Variants in HACD4 observed in about 807,000 individuals in gnomAD.
HACD4 encodes the protein 3-hydroxyacyl-CoA dehydratase 4.
HACD4 carries 35 observed loss-of-function variants against 33.3 expected under a neutral mutation model. The observed-to-expected ratio is 1.05, with a 90% CI of 0.80 to 1.39. The LOEUF (loss-of-function observed/expected upper bound fraction) is 1.39. HACD4 is among the 40% of genes most tolerant of loss of function. The probability of loss-of-function intolerance (pLI) is 0.00; values close to 1 mark genes in which losing one functional copy is unlikely to be tolerated. For missense variants in HACD4, 323 were observed against 276.5 expected, an observed-to-expected ratio of 1.17 and a Z score of -1.19; for synonymous variants, 118 against 98.0, an observed-to-expected ratio of 1.20 and a Z score of -1.21.
chr9:21,003,816 C>T lies in HACD4; in HGVS notation c.*3221G>A, dbSNP rs1002052480. The T allele has an allele frequency of 2.0e-5, 3 of 152,096 alleles. No homozygotes were observed. Among genetic ancestry groups the T allele is most frequent in the African/African-American group, 7.2e-5 (3 of 41,426 alleles). The allele number at this position is 152,096 out of a possible 1,614,324, so 9.4% of individuals were successfully genotyped here. ...AGCATTTTTCAAAACTATGTAAGGA[C>T]ATATGACTTACATTACAGTAATTAG... On this transcript the variant is annotated 3_prime_UTR_variant, in exon 7 of 7. Transcript: ENST00000495827.
chr9:21,023,319 T>A (rs960318178), intron 3 of HACD4, among the ~76,000 whole-genome samples: 1 of 152,146 alleles, frequency 6.6e-6, no homozygotes, highest in Admixed American at 6.5e-5. Context: ...TATACATATG[T>A]AACAAACCTG....
intron 3 of HACD4, among the ~76,000 whole-genome samples, chr9:21,016,638 G>A (rs888852599): frequency 2.0e-5 from 3 of 149,778 alleles, no homozygotes; most frequent in Non-Finnish European, 3.0e-5. Flanking sequence ...GGGGAGTAAT[G>A]TGAACCACTG....
In HACD4 at chr9:21,000,089, C is replaced by T. The variant is rs766859450; in HGVS notation, c.*6948G>A. The T allele has an allele frequency of 6.6e-6, 1 of 152,088 alleles. No individual in the cohort carries two copies. The highest frequency in any genetic ancestry group is 1.5e-5 in the Non-Finnish European group (1 of 67,996). 9.4% of individuals were successfully genotyped at this position (152,088 alleles called of 1,614,324 possible). On this transcript the variant is annotated 3_prime_UTR_variant, in exon 7 of 7. Transcript: ENST00000495827. ...CAGACCACATTATCTTTCACAAGAA[C>T]CCCATCATTCAGCTGAATACCATGA...
At position 21,011,687 on chromosome 9, in the gene HACD4, T is replaced by C; in HGVS notation, c.392A>G (p.Tyr131Cys). ...TATTCCTATGACTGATAACATGCTA[T>C]AAGTGTACCTGAAAGGAGATGAGAA... Reference protein sequence around the residue: ...WNLLDMVRYTYSMLSVIGISY... With the variant: ...WNLLDMVRYTCSMLSVIGISY... The change falls in exon 5 of 7, where the codon TAT (tyrosine) becomes TGT (cysteine). Residue 131 changes from tyrosine (Y) to cysteine (C), a missense_variant. Transcript: ENST00000495827. 1.3e-6 allele frequency: 2 copies of C among 1,585,342 alleles called. No homozygotes were observed. The highest frequency in any genetic ancestry group is 2.2e-5 in the East Asian group (1 of 44,684).
Position 21,007,107 on chromosome 9 carries a change from G to C in HACD4, c.629C>G (p.Thr210Ser), listed in dbSNP as rs537377624. ...TCTTTCTGAGTATAGATGACTGTAG[G>C]TAAAATACATACCTAATATGGAGAA... Reference protein sequence around the residue: ...LMMLFIGMYFTYSHLYSERRD... With the variant: ...LMMLFIGMYFSYSHLYSERRD... The change falls in exon 7 of 7, where the codon ACC becomes AGC. Residue 210 changes from threonine (T) to serine (S), a missense_variant. Transcript: ENST00000495827. 2.0e-6 allele frequency: 3 copies of C among 1,532,002 alleles called. No individual in the cohort carries two copies. In the South Asian group the frequency reaches 3.4e-5, roughly 17 times the overall value. The allele number at this position is 1,532,002 out of a possible 1,614,324, so 94.9% of individuals were successfully genotyped here.
intron 3 of HACD4, among the ~76,000 whole-genome samples, chr9:21,018,472 A>C (rs1112167): frequency 0.4 from 61,012 of 152,006 alleles, 12,426 homozygotes; most frequent in East Asian, 0.45. Flanking sequence ...ATTCTTTAAA[A>C]AAGCTTCTCC....
In HACD4 at chr9:21,031,473, C is replaced by G; in HGVS notation, c.38+80G>C. 3.7e-6 allele frequency: 5 copies of G among 1,362,240 alleles called. No homozygotes were observed. In the South Asian group the frequency reaches 8.6e-5, roughly 24 times the overall value. The allele number at this position is 1,362,240 out of a possible 1,614,324, so 84.4% of individuals were successfully genotyped here. ...TGGCGGGCGGGGGGTGCCGCCCGCC[C>G]GCCCGCCGCAGAGGGGAGCTCCCGC... On this transcript the variant is annotated intron_variant, in intron 1 of 6. Transcript: ENST00000495827.
chr9:21,000,663 A>T lies in HACD4; in HGVS notation c.*6374T>A, dbSNP rs546923084. The T allele has an allele frequency of 2.2e-4, 33 of 152,308 alleles. No individual in the cohort carries two copies. In the East Asian group the frequency reaches 6.0e-3, roughly 28 times the overall value. The allele number at this position is 152,308 out of a possible 1,614,324, so 9.4% of individuals were successfully genotyped here. On this transcript the variant is annotated 3_prime_UTR_variant, in exon 7 of 7. Transcript: ENST00000495827. ...TCAGACCGAGAAGAATATTAAAATT[A>T]TCCGAACCAACGGGAAACATTATAA... is the stretch of plus-strand genomic sequence containing the variant.
chr9:21,008,716 TA>T lies in HACD4; in HGVS notation c.491-571del, dbSNP rs796506095. On this transcript the variant is annotated intron_variant, in intron 5 of 6. Transcript: ENST00000495827. The stretch of plus-strand genomic sequence containing the variant: ...TTTGAGGGAGGGGGCTGGTATCAGG[TA>T]AAAAAAAGATTAAAGTTCAGTAACA... 4.4e-4 allele frequency among the ~76,000 whole-genome samples: 67 copies of T among 151,738 alleles called. 2 individuals are homozygous for T. The highest frequency in any genetic ancestry group is 1.5e-3 in the African/African-American group (62 of 41,398).
At position 21,008,154 on chromosome 9, in the gene HACD4, A is replaced by G; in HGVS notation, c.491-8T>C. 6.2e-7 allele frequency: 1 copy of G among 1,603,776 alleles called. No homozygotes were observed. The highest frequency in any genetic ancestry group is 1.3e-5 in the African/African-American group (1 of 74,374). On this transcript the variant is annotated splice_region_variant and splice_polypyrimidine_tract_variant and intron_variant, in intron 5 of 6. Coordinates refer to ENST00000495827, the MANE Select transcript of HACD4 (RefSeq NM_001010915.5). ...ATTGATAGATGGCAAATGCTGTTAA[A>G]AAAGAAAGGCATCATAAAGGTATTC...
In HACD4 at chr9:21,030,269, C is replaced by CAAAAAAAAAAAAAAAAAA; in HGVS notation, c.39-889_39-872dup. Reference sequence around the variant, plus strand: ...CCAGCCTGGCCAACATGGCAACTTACAAAAAAAAAAAAAAAAAAGCCGGAT... The same window carrying CAAAAAAAAAAAAAAAAAA: ...CCAGCCTGGCCAACATGGCAACTTACAAAAAAAAAAAAAAAAAAAAAAAAAAAAAAAAAAAAGCCGGAT... On this transcript the variant is annotated intron_variant, in intron 1 of 6. Transcript: ENST00000495827. Among the ~76,000 whole-genome samples, 2 of 110,920 alleles carry CAAAAAAAAAAAAAAAAAA rather than the reference C, an allele frequency of 1.8e-5. 1 individual carries two copies. The allele number at this position is 110,920 out of a possible 152,430, so 72.8% of individuals were successfully genotyped here.
chr9:21,012,379 A>C (rs1842456926), intron 4 of HACD4, among the ~76,000 whole-genome samples: 2 of 152,236 alleles, frequency 1.3e-5, no homozygotes. Flanking sequence ...CTTTGTATTA[A>C]CAAGTTCCAG....
Position 21,007,736 on chromosome 9 carries a change from C to T in HACD4, c.616+285G>A, listed in dbSNP as rs368892061. Among the ~76,000 whole-genome samples the T allele has an allele frequency of 1.2e-4, 18 of 152,234 alleles. 1 individual carries two copies. The South Asian group carries it at 3.7e-3, about 32-fold the overall frequency. ...GACATCTAGGTTTTATTTGTAGATACCTGTGCACATGGTCAAAACTTCTAT... is the reference window on the plus strand; with the variant it reads ...GACATCTAGGTTTTATTTGTAGATATCTGTGCACATGGTCAAAACTTCTAT... On this transcript the variant is annotated intron_variant, in intron 6 of 6. Transcript: ENST00000495827.
rs1842255570 is a variant in HACD4 at position 21,005,784 on chromosome 9, T to C, written c.*1253A>G. ...CAGAGTATCAGGCCAAAGAGGATTA[T>C]TACTAAGACTGAAGATCTCATGGTG... On this transcript the variant is annotated 3_prime_UTR_variant, in exon 7 of 7. Transcript: ENST00000495827. The surrounding 1 kb of genome is among the most constrained non-coding windows in gnomAD (Gnocchi z 4.0). 6.6e-6 allele frequency: 1 copy of C among 152,252 alleles called. No homozygotes were observed. Among genetic ancestry groups the C allele is most frequent in the South Asian group, 2.1e-4 (1 of 4,828 alleles). 9.4% of individuals were successfully genotyped at this position (152,252 alleles called of 1,614,324 possible).
chr9:21,013,549 T>C (rs534607580), intron 4 of HACD4, among the ~76,000 whole-genome samples: 2 of 152,346 alleles, frequency 1.3e-5, no homozygotes, highest in East Asian at 3.9e-4. Context: ...TGAAGTTATC[T>C]GGGTTCTAAT....
rs1842231839 is a variant in HACD4, at chr9:21,004,837, A to G, written c.*2200T>C. 2 of 152,246 alleles carry G rather than the reference A, an allele frequency of 1.3e-5. No homozygotes were observed. Among genetic ancestry groups the G allele is most frequent in the Admixed American group, 6.5e-5 (1 of 15,278 alleles). 9.4% of individuals were successfully genotyped at this position (152,246 alleles called of 1,614,324 possible). A position where few individuals can be genotyped will look rare whatever the true frequency, so the allele number is the denominator to read the frequency against. ...ATAGAAGCTGGAAGAGTTTTGAGGT[A>G]CTAGAGTACCTGGAAGAGTACTGGA... On this transcript the variant is annotated 3_prime_UTR_variant, in exon 7 of 7. Transcript: ENST00000495827. The surrounding 1 kb of genome is among the most constrained non-coding windows in gnomAD (Gnocchi z 4.6).
chr9:21,022,035 T>C (rs1418939218), intron 3 of HACD4, among the ~76,000 whole-genome samples: 1 of 152,028 alleles, frequency 6.6e-6, no homozygotes, highest in Non-Finnish European at 1.5e-5. Flanking sequence ...AACAGAGATA[T>C]AGACCAATGG....
In HACD4 at chr9:21,023,160, C is replaced by T. The variant is rs189912172; in HGVS notation, c.270+3436G>A. Among the ~76,000 whole-genome samples the T allele has an allele frequency of 4.4e-5, 6 of 136,146 alleles. No homozygotes were observed. The East Asian group carries it at 8.5e-4, about 19-fold the overall frequency. The allele number at this position is 136,146 out of a possible 152,430, so 89.3% of individuals were successfully genotyped here. A position where few individuals can be genotyped will look rare whatever the true frequency, so the allele number is the denominator to read the frequency against. ...ACATGTTCTCCCTCACAGGTGGGAACTGAACAATGAGAACACTTGGACACA... is the reference window on the plus strand; with the variant it reads ...ACATGTTCTCCCTCACAGGTGGGAATTGAACAATGAGAACACTTGGACACA... On this transcript the variant is annotated intron_variant, in intron 3 of 6. Transcript: ENST00000495827.
intron 6 of HACD4, among the ~76,000 whole-genome samples, 169 bp from the exon 7 acceptor site, chr9:21,007,288 A>G (rs1307400133): frequency 6.6e-6 from 1 of 152,196 alleles, no homozygotes; most frequent in East Asian, 1.9e-4. Flanking sequence ...ATGCAGAAAG[A>G]GAGGTAAATC....
Sources: gnomAD v4.1 joint callset for allele counts (sites outside exome capture counted in the v4.1 genomes callset) on GRCh38, gnomAD v4.1.1 for gene constraint, Gnocchi (gnomAD v3.1) non-coding constraint, MANE v1.5 for transcripts, NCBI Gene and HGNC (gene_info 2026-07-23, HGNC 2026-07-21) for gene names.